GATAD2A: variants seen among roughly 807,000 people sequenced by gnomAD.
GATAD2A encodes GATA zinc finger domain containing 2A.
Under a neutral mutation model 68.5 loss-of-function variants are expected in GATAD2A, and 12 were observed. The observed-to-expected ratio is 0.18, with a 90% CI of 0.11 to 0.28. The LOEUF is 0.28. GATAD2A is among the 10% of genes least tolerant of loss of function. The probability of loss-of-function intolerance (pLI) is 1.00; values close to 1 mark genes in which losing one functional copy is unlikely to be tolerated. For missense variants in GATAD2A, 755 were observed against 868.5 expected, an observed-to-expected ratio of 0.87 and a Z score of 1.64; for synonymous variants, 410 against 375.3, an observed-to-expected ratio of 1.09 and a Z score of -1.07.
rs138172575 is a variant in GATAD2A at position 19,469,171 on chromosome 19, C to A, written c.269+3557C>A. On this transcript the variant is annotated intron_variant, in intron 2 of 11. Coordinates refer to ENST00000683918, the MANE Select transcript of GATAD2A (RefSeq NM_001384528.1). Reference sequence around the variant, plus strand: ...TCAGGGCTGGGCACAGTGGCTGACTCCTGTAATTCCAGCACTTTGGGAGGC... The same window carrying A: ...TCAGGGCTGGGCACAGTGGCTGACTACTGTAATTCCAGCACTTTGGGAGGC... Among the ~76,000 whole-genome samples the A allele has an allele frequency of 2.7e-3, 418 of 152,258 alleles. 4 individuals are homozygous for A. Among genetic ancestry groups the A allele is most frequent in the Non-Finnish European group, 4.6e-3 (313 of 68,010 alleles).
At chr19:19,499,151 C>T (rs2060350386) in intron 8 of GATAD2A, among the ~76,000 whole-genome samples, 1 of 152,144 alleles carries the variant, frequency 6.6e-6, no homozygotes. Context: ...TGCCCAGGGG[C>T]AGGCTCGCAT....
intron 1 of GATAD2A, among the ~76,000 whole-genome samples, chr19:19,443,837 G>A (rs1568290768): frequency 6.6e-6 from 1 of 151,938 alleles, no homozygotes; most frequent in Non-Finnish European, 1.5e-5. Context: ...CCACTTGGGG[G>A]TAGTTTAGGA....
chr19:19,503,178 G>A (rs898344281), intron 11 of GATAD2A, among the ~76,000 whole-genome samples: 2 of 152,234 alleles, frequency 1.3e-5, no homozygotes, highest in Admixed American at 6.5e-5. Flanking sequence ...TATATTTCTT[G>A]TGTCAAAAAT....
At chr19:19,477,947 C>G (rs2058787057) in intron 2 of GATAD2A, among the ~76,000 whole-genome samples, 1 of 152,202 alleles carries the variant, frequency 6.6e-6, no homozygotes, top group African/African-American at 2.4e-5. Flanking sequence ...CTTAGGTAAA[C>G]ATAGAGGCTG....
At chr19:19,447,544 G>A (rs896333346) in intron 1 of GATAD2A, among the ~76,000 whole-genome samples, 68 of 152,246 alleles carry the variant, frequency 4.5e-4, no homozygotes, top group African/African-American at 1.5e-3. Flanking sequence ...CATTTGCAAG[G>A]TAGAGGGTAG....
At chr19:19,494,470 GC>G in intron 5 of GATAD2A, 87 bp downstream of exon 5, 1 of 804,818 alleles carries the variant, frequency 1.2e-6, no homozygotes, top group Non-Finnish European at 2.1e-6. Context: ...AACAGCCCTG[GC>G]CCAGGTTCTG....
chr19:19,386,109 C>T (rs2048391590), exon 1 of GATAD2A: 1 of 152,214 alleles, frequency 6.6e-6, no homozygotes, highest in Non-Finnish European at 1.5e-5. Context: ...GGCCGTCGGC[C>T]GCCGTCAGCG....
chr19:19,439,378 T>C (rs1600127044), intron 1 of GATAD2A, among the ~76,000 whole-genome samples: 1 of 152,274 alleles, frequency 6.6e-6, no homozygotes, highest in South Asian at 2.1e-4. Context: ...GACCAAGGTG[T>C]GAATGATGCT....
rs561205300 is a variant in GATAD2A, at chr19:19,477,926, G to A, written c.269+12312G>A. On this transcript the variant is annotated intron_variant, in intron 2 of 11. Coordinates refer to ENST00000683918, the MANE Select transcript of GATAD2A (RefSeq NM_001384528.1). Reference sequence around the variant, plus strand: ...GATCCACAGCCATAGGGCGTCGCCCGCTTTCTGTGACTTAGGTAAACATAG... The same window carrying A: ...GATCCACAGCCATAGGGCGTCGCCCACTTTCTGTGACTTAGGTAAACATAG... Among the ~76,000 whole-genome samples the A allele has an allele frequency of 1.8e-4, 27 of 152,314 alleles. 1 individual carries two copies. Among genetic ancestry groups the A allele is most frequent in the Non-Finnish European group, 4.4e-5 (3 of 68,034 alleles).
intron 1 of GATAD2A, among the ~76,000 whole-genome samples, chr19:19,429,448 T>C (rs1687655065): frequency 2.0e-5 from 3 of 152,080 alleles, no homozygotes; most frequent in African/African-American, 7.2e-5. Flanking sequence ...CTCCTTCACA[T>C]GCACGTAGCG....
chr19:19,486,473 G>T (rs541475564), intron 2 of GATAD2A, among the ~76,000 whole-genome samples: 1 of 152,324 alleles, frequency 6.6e-6, no homozygotes, highest in South Asian at 2.1e-4. Flanking sequence ...GGGTTTTGGG[G>T]GCTGCTGGAT....
At chr19:19,440,331 C>T (rs2054866212) in intron 1 of GATAD2A, 4 of 199,178 alleles carry the variant, frequency 2.0e-5, no homozygotes, top group Non-Finnish European at 3.9e-5. Flanking sequence ...AGTGGAGTGG[C>T]GCGATCTCAG....
intron 1 of GATAD2A, among the ~76,000 whole-genome samples, chr19:19,460,968 C>T (rs1012374199): frequency 1.3e-5 from 2 of 152,202 alleles, no homozygotes; most frequent in Admixed American, 1.3e-4. Context: ...CTGACTGCCC[C>T]GTGCTCTGCC....
At position 19,460,145 on chromosome 19, in the gene GATAD2A, A is replaced by G. The variant is rs79952305; in HGVS notation, c.-6-5195A>G. Reference sequence around the variant, plus strand: ...CAACAGGTCCTTCTGGGCCACAACAAGGTACCCTGGTTTGACTCTTAGGAA... The same window carrying G: ...CAACAGGTCCTTCTGGGCCACAACAGGGTACCCTGGTTTGACTCTTAGGAA... On this transcript the variant is annotated intron_variant, in intron 1 of 11. Coordinates refer to ENST00000683918, the MANE Select transcript of GATAD2A (RefSeq NM_001384528.1). 7.9e-5 allele frequency among the ~76,000 whole-genome samples: 12 copies of G among 152,332 alleles called. No homozygotes were observed. In the East Asian group the frequency reaches 2.1e-3, roughly 27 times the overall value.
At chr19:19,454,548 G>A (rs113980591) in intron 1 of GATAD2A, among the ~76,000 whole-genome samples, 18,818 of 151,520 alleles carry the variant, frequency 0.12, 1,379 homozygotes, top group Middle Eastern at 0.26. Context: ...GCAGTGAGCT[G>A]AGATGGAGAC....
rs868823187 is a variant in GATAD2A at position 19,483,645 on chromosome 19, C to T, written c.270-8661C>T. 7.2e-5 allele frequency among the ~76,000 whole-genome samples: 11 copies of T among 151,910 alleles called. 1 individual carries two copies. The South Asian group carries it at 1.9e-3, about 26-fold the overall frequency. On this transcript the variant is annotated intron_variant, in intron 2 of 11. Coordinates refer to ENST00000683918, the MANE Select transcript of GATAD2A (RefSeq NM_001384528.1). ...TGTTTTTTTTTTGGAGACTGAGTCT[C>T]GGTCTGTCATCCAGCATGGAGTGCA...
Position 19,492,426 on chromosome 19 carries a change from C to G in GATAD2A, c.390C>G (p.Thr130=). 1 of 1,613,934 alleles carries G rather than the reference C, an allele frequency of 6.2e-7. No individual in the cohort carries two copies. Among genetic ancestry groups the G allele is most frequent in the Non-Finnish European group, 8.5e-7 (1 of 1,179,886 alleles). ...LTTVALKETS[T]EALMKSSPEE... ...CGGTGGCCTTGAAGGAGACTAGCAC[C>G]GAGGCCCTCATGGTGAGCCACGTGT... is the stretch of plus-strand genomic sequence containing the variant. Residue 130 remains threonine, a synonymous_variant, in exon 3 of 12, where the codon ACC becomes ACG. Transcript: ENST00000683918.
intron 2 of GATAD2A, among the ~76,000 whole-genome samples, chr19:19,475,180 C>T (rs1259490253): frequency 6.6e-6 from 1 of 152,244 alleles, no homozygotes; most frequent in Non-Finnish European, 1.5e-5. Flanking sequence ...CGGCTGTCTA[C>T]AGGAATGCAC....
At position 19,461,148 on chromosome 19, in the gene GATAD2A, G is replaced by A. The variant is rs76804012; in HGVS notation, c.-6-4192G>A. 5.1e-3 allele frequency among the ~76,000 whole-genome samples: 775 copies of A among 152,254 alleles called. 3 individuals carry two copies. The highest frequency in any genetic ancestry group is 8.3e-3 in the Non-Finnish European group (566 of 68,016). Reference sequence around the variant, plus strand: ...GGCAGAAAGACGCCTAAAATCCACCGTTAAGAGCATCAGCCCTGCTGCTCC... The same window carrying A: ...GGCAGAAAGACGCCTAAAATCCACCATTAAGAGCATCAGCCCTGCTGCTCC... On this transcript the variant is annotated intron_variant, in intron 1 of 11. Coordinates refer to ENST00000683918, the MANE Select transcript of GATAD2A (RefSeq NM_001384528.1).
Sources: gnomAD v4.1 joint callset for allele counts (sites outside exome capture counted in the v4.1 genomes callset) on GRCh38, gnomAD v4.1.1 for gene constraint, MANE v1.5 for transcripts, NCBI Gene and HGNC (gene_info 2026-07-23, HGNC 2026-07-21) for gene names.